Variants in PRH1 observed in about 807,000 individuals in gnomAD.
The protein encoded by PRH1 is salivary acidic proline-rich phosphoprotein 1/2.
A neutral mutation model predicts 7.9 loss-of-function variants in PRH1; 7 were observed. That is an observed-to-expected ratio of 0.89 (90% confidence interval 0.50 to 1.67). The LOEUF (loss-of-function observed/expected upper bound fraction) is 1.67, where lower values mean the gene tolerates loss of function less well. Among genes scored for constraint, PRH1 ranks in the 40% most tolerant of loss-of-function variants. The pLI, the probability that PRH1 is intolerant of heterozygous loss-of-function variation, is 0.00. For missense variants in PRH1, 109 were observed against 223.6 expected (o/e 0.49, Z 3.27); for synonymous variants, 45 against 80.8 (o/e 0.56, Z 2.38).
At chr12:10,906,735 C>T (rs547510372) in intron 2 of PRH1, among the ~76,000 whole-genome samples, 4 of 152,288 alleles carry the variant, frequency 2.6e-5, no homozygotes, top group East Asian at 3.9e-4. Flanking sequence ...TTTGTCTCTG[C>T]CATTATTGTG....
intron 1 of PRH1, among the ~76,000 whole-genome samples, chr12:11,167,969 G>A (rs1947631639): frequency 6.6e-6 from 1 of 151,832 alleles, no homozygotes; most frequent in South Asian, 2.1e-4. Flanking sequence ...ATGTATAGGT[G>A]ATTTTTTATG....
At chr12:11,065,462 T>C (rs1471871008) in intron 1 of PRH1, among the ~76,000 whole-genome samples, 1 of 85,442 alleles carries the variant, frequency 1.2e-5, no homozygotes, top group African/African-American at 2.9e-5. Context: ...AGCTTCAATG[T>C]CTCTGACCCT....
chr12:10,953,558 T>C lies in PRH1; in HGVS notation c.-59+20097A>G, dbSNP rs182168432. Among the ~76,000 whole-genome samples the C allele has an allele frequency of 9.9e-5, 15 of 151,838 alleles. No homozygotes were observed. The East Asian group carries it at 2.3e-3, about 23-fold the overall frequency. Reference sequence around the variant, plus strand: ...CTGAAATTACTCAGTCAGGCAAAAATAAAGAAAAATAATGAAGAAGAATGC... The same window carrying C: ...CTGAAATTACTCAGTCAGGCAAAAACAAAGAAAAATAATGAAGAAGAATGC... On this transcript the variant is annotated intron_variant, in intron 2 of 3. Coordinates refer to the PRH1 transcript ENST00000539853.
chr12:10,990,072 T>C (rs989738143), intron 1 of PRH1, among the ~76,000 whole-genome samples: 7 of 152,098 alleles, frequency 4.6e-5, no homozygotes, highest in Non-Finnish European at 1.0e-4. Flanking sequence ...GACTTCAAAG[T>C]ATATTACAGA....
chr12:11,093,792 C>G lies in PRH1; in HGVS notation n.124-46604G>C, dbSNP rs1172059048. ...ATAGAGATTTGAGATGGCTTCCATA[C>G]TGGGGATTCTTCCTCTTTCCATAGA... On this transcript the variant is annotated intron_variant and non_coding_transcript_variant, in intron 1 of 4. Coordinates refer to the PRH1 transcript ENST00000541977. Among the ~76,000 whole-genome samples, 4 of 113,902 alleles carry G rather than the reference C, an allele frequency of 3.5e-5. 1 individual carries two copies. The East Asian group carries it at 8.5e-4, about 24-fold the overall frequency. The allele number at this position is 113,902 out of a possible 152,430, so 74.7% of individuals were successfully genotyped here.
At chr12:11,133,118 C>CAT in intron 1 of PRH1, 3 of 637,188 alleles carry the variant, frequency 4.7e-6, no homozygotes, top group Non-Finnish European at 4.3e-6. Flanking sequence ...TTCAGTTTTT[C>CAT]ATACACACAC....
chr12:10,973,469 AC>A (rs1348839805), intron 2 of PRH1: 1 of 447,406 alleles, frequency 2.2e-6, no homozygotes, highest in Non-Finnish European at 4.0e-6. Context: ...TTTTACAACT[AC>A]TATCAGCCTT....
At chr12:11,061,283 G>T (rs1591922744) in intron 1 of PRH1, 1 of 1,523,656 alleles carries the variant, frequency 6.6e-7, no homozygotes, top group East Asian at 2.3e-5. Flanking sequence ...ATACATTACA[G>T]AAAACACAGT....
chr12:11,144,318 G>A (rs61931270), intron 1 of PRH1, among the ~76,000 whole-genome samples: 68,893 of 151,560 alleles, frequency 0.45, 16,471 homozygotes, highest in Non-Finnish European at 0.53. Flanking sequence ...TTGGGTACCT[G>A]GGAGGATTAT....
At chr12:11,069,925 T>A (rs149880565) in intron 1 of PRH1, among the ~76,000 whole-genome samples, 1 of 148,616 alleles carries the variant, frequency 6.7e-6, no homozygotes, top group East Asian at 1.9e-4. Flanking sequence ...TATATGATGC[T>A]TTCTCAAAGA....
intron 1 of PRH1, among the ~76,000 whole-genome samples, chr12:11,041,307 A>AAAAAAAAAAAAAAAAAAAAC (rs1565584500): frequency 3.1e-5 from 3 of 97,204 alleles, no homozygotes; most frequent in African/African-American, 8.9e-5. Context: ...AAAAAAAAAA[A>AAAAAAAAAAAAAAAAAAAAC]AAAACAAAAA....
chr12:11,014,844 ATAGT>A (rs772507238), intron 1 of PRH1, among the ~76,000 whole-genome samples: 10 of 142,304 alleles, frequency 7.0e-5, no homozygotes, highest in South Asian at 4.8e-4. Context: ...CTTACAGTAG[ATAGT>A]TAGTCAGGCA....
rs534475418 is a variant in PRH1, at chr12:11,080,333, A to G, written n.124-33145T>C. Among the ~76,000 whole-genome samples the G allele has an allele frequency of 5.2e-4, 57 of 108,582 alleles. 13 individuals are homozygous for G. The highest frequency in any genetic ancestry group is 1.6e-3 in the African/African-American group (54 of 34,112). 71.2% of individuals were successfully genotyped at this position (108,582 alleles called of 152,430 possible). A position where few individuals can be genotyped will look rare whatever the true frequency, so the allele number is the denominator to read the frequency against. On this transcript the variant is annotated intron_variant and non_coding_transcript_variant, in intron 1 of 4. Transcript: ENST00000541977. ...GTGATCCACTTCTTTTCGCTTCTGT[A>G]TAACTTTTCATTTTATGATTTTACT...
At chr12:11,107,739 C>A (rs565767897) in intron 1 of PRH1, among the ~76,000 whole-genome samples, 2 of 152,284 alleles carry the variant, frequency 1.3e-5, no homozygotes, top group African/African-American at 4.8e-5. Flanking sequence ...GAAATTAACA[C>A]CAACATTCAT....
intron 1 of PRH1, among the ~76,000 whole-genome samples, chr12:11,146,108 G>T (rs975103646): frequency 2.6e-5 from 4 of 152,060 alleles, no homozygotes; most frequent in East Asian, 1.9e-4. Flanking sequence ...TACCAGTAGT[G>T]AAAGAGATTT....
intron 2 of PRH1, among the ~76,000 whole-genome samples, chr12:10,926,340 C>A (rs1017498814): frequency 2.8e-4 from 42 of 151,868 alleles, no homozygotes; most frequent in African/African-American, 1.0e-3. Flanking sequence ...CCTGGCAAAC[C>A]ATCCTTCAGT....
intron 1 of PRH1, among the ~76,000 whole-genome samples, chr12:10,979,105 C>T (rs929206590): frequency 4.6e-5 from 7 of 152,036 alleles, no homozygotes; most frequent in Non-Finnish European, 5.9e-5. Context: ...CACTTGAAGA[C>T]GGAGGGCAGG....
At chr12:10,957,599 A>G (rs1340790649) in intron 2 of PRH1, among the ~76,000 whole-genome samples, 2 of 152,148 alleles carry the variant, frequency 1.3e-5, no homozygotes, top group African/African-American at 4.8e-5. Context: ...CTTCTGCACA[A>G]GAAAAGAAAC....
intron 2 of PRH1, among the ~76,000 whole-genome samples, chr12:10,940,779 C>A (rs1258050566): frequency 3.9e-5 from 6 of 152,146 alleles, no homozygotes; most frequent in Non-Finnish European, 7.4e-5. Context: ...TCAGCAACAG[C>A]TACCAAACAA....
Sources: gnomAD v4.1 joint callset for allele counts (sites outside exome capture counted in the v4.1 genomes callset) on GRCh38, gnomAD v4.1.1 for gene constraint, MANE v1.5 for transcripts, NCBI Gene and HGNC (gene_info 2026-07-23, HGNC 2026-07-21) for gene names.